Variants in AK5 observed in about 807,000 individuals in gnomAD.
The protein encoded by AK5 is adenylate kinase isoenzyme 5.
Under a neutral mutation model 69.5 loss-of-function variants are expected in AK5, and 27 were observed. The observed-to-expected ratio is 0.39, with a 90% confidence interval of 0.29 to 0.54. The LOEUF (loss-of-function observed/expected upper bound fraction) is 0.54. Ranked by LOEUF, AK5 falls within the 20% of genes least tolerant of loss-of-function variation. AK5 has a pLI of 0.71. For missense variants in AK5, 531 were observed against 700.4 expected, an observed-to-expected ratio of 0.76 and a Z score of 2.73; for synonymous variants, 260 against 244.4, an observed-to-expected ratio of 1.06 and a Z score of -0.60.
At chr1:77,539,026 G>T (rs1374534327) in intron 13 of AK5, among the ~76,000 whole-genome samples, 1 of 152,248 alleles carries the variant, frequency 6.6e-6, no homozygotes, top group Non-Finnish European at 1.5e-5. Context: ...CAATATTTAT[G>T]TTTAGAAAAC....
intron 6 of AK5, among the ~76,000 whole-genome samples, chr1:77,399,205 A>T (rs1032286896): frequency 6.6e-6 from 1 of 152,158 alleles, no homozygotes; most frequent in African/African-American, 2.4e-5. Context: ...CATGATCTGG[A>T]CATTGGTCAA....
At chr1:77,283,849 A>G (rs1658203138) in intron 1 of AK5, among the ~76,000 whole-genome samples, 3 of 152,204 alleles carry the variant, frequency 2.0e-5, no homozygotes, top group Admixed American at 6.5e-5. Context: ...CTACGCTTCT[A>G]AAAGAATCAT....
At chr1:77,489,942 C>T (rs1655873556) in intron 10 of AK5, among the ~76,000 whole-genome samples, 3 of 152,166 alleles carry the variant, frequency 2.0e-5, no homozygotes, top group Admixed American at 2.0e-4. Context: ...CCCTATTAAT[C>T]ATGCCCCAAG....
chr1:77,502,887 C>G (rs1171920475), intron 10 of AK5, among the ~76,000 whole-genome samples: 1 of 152,206 alleles, frequency 6.6e-6, no homozygotes, highest in Non-Finnish European at 1.5e-5. Flanking sequence ...AGGAATGCCA[C>G]CCCCTCTCAC....
In AK5 at chr1:77,299,641, C is replaced by T. The variant is rs373513246; in HGVS notation, c.699+1694C>T. On this transcript the variant is annotated intron_variant, in intron 5 of 13. Transcript: ENST00000354567. ...TGAAGAGAGAAAAACTGGAAAATATCTGATGAAGTTTTGTTATTGCTGTTG... is the reference window on the plus strand; with the variant it reads ...TGAAGAGAGAAAAACTGGAAAATATTTGATGAAGTTTTGTTATTGCTGTTG... Among the ~76,000 whole-genome samples the T allele has an allele frequency of 5.3e-5, 8 of 152,104 alleles. No individual in the cohort carries two copies. In the East Asian group the frequency reaches 9.6e-4, roughly 18 times the overall value.
At position 77,400,147 on chromosome 1, in the gene AK5, CAGT is replaced by C. The variant is rs376720118; in HGVS notation, c.892-10833_892-10831del. 8.5e-5 allele frequency among the ~76,000 whole-genome samples: 13 copies of C among 152,290 alleles called. No homozygotes were observed. In the South Asian group the frequency reaches 2.1e-3, roughly 24 times the overall value. On this transcript the variant is annotated intron_variant, in intron 6 of 13. Transcript: ENST00000354567. The stretch of plus-strand genomic sequence containing the variant: ...TATTGCATCTGGACCTGGCTTGGCA[CAGT>C]TTCTGAGGATTCTTGGGGGTCCATC...
chr1:77,496,333 T>C (rs1273816370), intron 10 of AK5, among the ~76,000 whole-genome samples: 1 of 152,164 alleles, frequency 6.6e-6, no homozygotes, highest in Non-Finnish European at 1.5e-5. Context: ...TGAGAGACTG[T>C]GATCCCAGGA....
intron 6 of AK5, among the ~76,000 whole-genome samples, chr1:77,391,525 A>ATATATATATATATATC (rs146163792): frequency 1.6e-5 from 2 of 121,682 alleles, no homozygotes; most frequent in African/African-American, 6.1e-5. Flanking sequence ...ATATATATAT[A>ATATATATATATATATC]TATCTCCTCA....
intron 6 of AK5, 110 bp downstream of exon 6, chr1:77,340,678 G>C: frequency 1.0e-6 from 1 of 979,484 alleles, no homozygotes; most frequent in Non-Finnish European, 1.5e-6. Context: ...TGGCTTTTGG[G>C]GGGTACAGAA....
At chr1:77,430,843 G>A (rs761610238) in intron 8 of AK5, among the ~76,000 whole-genome samples, 17 of 152,108 alleles carry the variant, frequency 1.1e-4, no homozygotes, top group South Asian at 4.1e-4. Flanking sequence ...ATAGAAACAC[G>A]GAGGAAATTG....
In AK5 at chr1:77,480,156, G is replaced by GTA. The variant is rs1553155606; in HGVS notation, c.1060-3160_1060-3159dup. Among the ~76,000 whole-genome samples the GTA allele has an allele frequency of 4.6e-3, 693 of 151,522 alleles. 33 individuals are homozygous for GTA. The highest frequency in any genetic ancestry group is 4.3e-3 in the Admixed American group (66 of 15,186). ...TGTGTGTGTGTGTGTGTGTGTGTGT[G>GTA]TAAGATGCCAGATTAATTTTGTTTA... is the stretch of plus-strand genomic sequence containing the variant. On this transcript the variant is annotated intron_variant, in intron 8 of 13. Coordinates refer to ENST00000354567, the MANE Select transcript of AK5 (RefSeq NM_174858.3).
intron 6 of AK5, among the ~76,000 whole-genome samples, chr1:77,362,036 A>G (rs889060269): frequency 1.3e-5 from 2 of 152,184 alleles, no homozygotes; most frequent in African/African-American, 2.4e-5. Flanking sequence ...ATTGGTATCC[A>G]TCTCATAGAG....
intron 6 of AK5, among the ~76,000 whole-genome samples, chr1:77,388,264 T>A (rs1229336736): frequency 6.6e-6 from 1 of 152,186 alleles, no homozygotes; most frequent in Admixed American, 6.5e-5. Flanking sequence ...ATCTCACTGG[T>A]CTCCGTAGTG....
chr1:77,494,652 G>T (rs1656189710), intron 10 of AK5, among the ~76,000 whole-genome samples: 1 of 152,100 alleles, frequency 6.6e-6, no homozygotes. Context: ...AAGCATGAAG[G>T]CAATTAAATA....
intron 8 of AK5, among the ~76,000 whole-genome samples, chr1:77,430,304 G>A (rs1402586546): frequency 6.6e-6 from 1 of 152,112 alleles, no homozygotes; most frequent in African/African-American, 2.4e-5. Context: ...AATGGATATG[G>A]GAGCCAACAG....
intron 13 of AK5, among the ~76,000 whole-genome samples, chr1:77,556,598 T>A (rs921542450): frequency 2.0e-5 from 3 of 152,212 alleles, no homozygotes; most frequent in Non-Finnish European, 4.4e-5. Context: ...TTAATATTGT[T>A]GTATCCATTT....
intron 6 of AK5, among the ~76,000 whole-genome samples, chr1:77,360,319 C>T (rs1646840811): frequency 6.6e-6 from 1 of 152,036 alleles, no homozygotes; most frequent in Non-Finnish European, 1.5e-5. Context: ...TTAAAATGTT[C>T]CAGGGAGAGA....
intron 12 of AK5, among the ~76,000 whole-genome samples, chr1:77,526,122 G>T (rs149002847): frequency 4.3e-4 from 66 of 152,264 alleles, no homozygotes; most frequent in African/African-American, 1.5e-3. Context: ...CTAGGCTGTG[G>T]ATAAGTCCCT....
chr1:77,289,626 A>G (rs1658565659), intron 2 of AK5, among the ~76,000 whole-genome samples: 1 of 152,184 alleles, frequency 6.6e-6, no homozygotes, highest in Non-Finnish European at 1.5e-5. Flanking sequence ...ATTTGATACT[A>G]TGATTGTACA....
Sources: gnomAD v4.1 joint callset for allele counts (sites outside exome capture counted in the v4.1 genomes callset) on GRCh38, gnomAD v4.1.1 for gene constraint, MANE v1.5 for transcripts, NCBI Gene and HGNC (gene_info 2026-07-23, HGNC 2026-07-21) for gene names.